CCDC171: variants seen among roughly 807,000 people sequenced by gnomAD.
CCDC171 encodes the protein coiled-coil domain containing 171.
In CCDC171, 177 loss-of-function variants were observed where a neutral mutation model predicts 168.2. The observed-to-expected ratio is 1.05, with a 90% CI of 0.93 to 1.19. The LOEUF is 1.19. Ranked by LOEUF, CCDC171 falls within the 50% of genes most tolerant of loss-of-function variation. CCDC171 has a pLI of 0.00. For synonymous variants in CCDC171, 687 were observed against 540.8 expected (o/e 1.27, Z -3.75); for missense variants, 1,991 against 1,539.0 (o/e 1.29, Z -4.91).
chr9:15,935,002 G>T lies in CCDC171; in HGVS notation c.3753+14580G>T, dbSNP rs113987795. 3.9e-5 allele frequency among the ~76,000 whole-genome samples: 6 copies of T among 152,190 alleles called. No individual in the cohort carries two copies. In the South Asian group the frequency reaches 6.2e-4, roughly 16 times the overall value. ...CACATTAGTGATTGACAGAGGCTAGGGGGAGGAGAGGATGGAGAATGACTG... is the reference window on the plus strand; with the variant it reads ...CACATTAGTGATTGACAGAGGCTAGTGGGAGGAGAGGATGGAGAATGACTG... On this transcript the variant is annotated intron_variant, in intron 25 of 25. Coordinates refer to ENST00000380701, the MANE Select transcript of CCDC171 (RefSeq NM_173550.4).
At chr9:15,919,131 A>T (rs543855599) in intron 24 of CCDC171, among the ~76,000 whole-genome samples, 2 of 151,808 alleles carry the variant, frequency 1.3e-5, no homozygotes, top group South Asian at 4.1e-4. Flanking sequence ...ATAGAAGTTA[A>T]CACTGCCTTT....
intron 5 of CCDC171, among the ~76,000 whole-genome samples, chr9:15,593,221 G>T (rs773205198): frequency 6.6e-6 from 1 of 152,110 alleles, no homozygotes. Flanking sequence ...TGCTACCATT[G>T]TGTGGACATG....
intron 25 of CCDC171, among the ~76,000 whole-genome samples, chr9:15,970,733 A>G (rs1372328022): frequency 6.6e-6 from 1 of 152,200 alleles, no homozygotes; most frequent in African/African-American, 2.4e-5. Context: ...TCTCAAATAT[A>G]TGACAAATTA....
intron 25 of CCDC171, among the ~76,000 whole-genome samples, chr9:15,925,931 A>C (rs1358182830): frequency 7.6e-6 from 1 of 131,100 alleles, no homozygotes; most frequent in Non-Finnish European, 1.8e-5. Context: ...CCTGTATTTA[A>C]CAATATAGAA....
At chr9:15,949,361 A>G (rs890606217) in intron 25 of CCDC171, among the ~76,000 whole-genome samples, 2 of 152,162 alleles carry the variant, frequency 1.3e-5, no homozygotes, top group Admixed American at 1.3e-4. Context: ...CTGTGAAGAA[A>G]GTCATTAGTA....
chr9:15,836,698 C>T (rs1343327925), intron 21 of CCDC171, among the ~76,000 whole-genome samples: 1 of 152,160 alleles, frequency 6.6e-6, no homozygotes, highest in African/African-American at 2.4e-5. Flanking sequence ...TCCTTTTCTC[C>T]GATAGGAATT....
At chr9:15,958,118 T>C (rs7865959) in intron 25 of CCDC171, among the ~76,000 whole-genome samples, 2,329 of 136,086 alleles carry the variant, frequency 0.017, 54 homozygotes, top group African/African-American at 0.077. Context: ...ACTCATCCAT[T>C]CATTCATTCA....
chr9:15,848,118 C>T (rs920030745), intron 22 of CCDC171, among the ~76,000 whole-genome samples: 1 of 151,856 alleles, frequency 6.6e-6, no homozygotes, highest in African/African-American at 2.4e-5. Context: ...CTTATAAGAC[C>T]TCCAGATTCA....
At position 15,628,734 on chromosome 9, in the gene CCDC171, G is replaced by T. The variant is rs962707466; in HGVS notation, c.822+5321G>T. Among the ~76,000 whole-genome samples the T allele has an allele frequency of 5.3e-5, 8 of 152,180 alleles. No individual in the cohort carries two copies. In the East Asian group the frequency reaches 1.4e-3, roughly 26 times the overall value. On this transcript the variant is annotated intron_variant, in intron 7 of 25. Transcript: ENST00000380701. ...AATGGGCAGACTGCCTCCTCAAGTGGGTCCCTGACCCCTGAACCCTGAGCA... is the reference window on the plus strand; with the variant it reads ...AATGGGCAGACTGCCTCCTCAAGTGTGTCCCTGACCCCTGAACCCTGAGCA...
intron 24 of CCDC171, among the ~76,000 whole-genome samples, chr9:15,895,098 T>C (rs1172798884): frequency 6.6e-6 from 1 of 152,154 alleles, no homozygotes; most frequent in Non-Finnish European, 1.5e-5. Flanking sequence ...TGTCACTTTT[T>C]AGCAATGTGC....
chr9:15,786,197 T>C (rs2057944589), intron 21 of CCDC171, among the ~76,000 whole-genome samples: 1 of 152,152 alleles, frequency 6.6e-6, no homozygotes, highest in Admixed American at 6.6e-5. Context: ...ACCTAATGCA[T>C]ATTATTTTTC....
chr9:15,789,880 C>T (rs1273055060), intron 21 of CCDC171, among the ~76,000 whole-genome samples: 1 of 151,582 alleles, frequency 6.6e-6, no homozygotes, highest in African/African-American at 2.4e-5. Flanking sequence ...CAATAGTTTG[C>T]TGAGAATGAT....
intron 21 of CCDC171, among the ~76,000 whole-genome samples, chr9:15,845,347 G>A (rs1420355392): frequency 6.6e-6 from 1 of 152,042 alleles, no homozygotes; most frequent in African/African-American, 2.4e-5. Context: ...TGTCTCATAA[G>A]TAGTCATAGT....
At chr9:15,805,772 C>T (rs2059043736) in intron 21 of CCDC171, among the ~76,000 whole-genome samples, 1 of 151,998 alleles carries the variant, frequency 6.6e-6, no homozygotes, top group South Asian at 2.1e-4. Flanking sequence ...TCCACTTGAT[C>T]CTGAGCTAAG....
intron 14 of CCDC171, among the ~76,000 whole-genome samples, chr9:15,727,427 C>T (rs919193596): frequency 2.6e-5 from 4 of 152,016 alleles, no homozygotes; most frequent in African/African-American, 7.2e-5. Context: ...CACTTTTTTT[C>T]TGTATTGTTT....
At chr9:15,684,583 A>C (rs2050253538) in intron 10 of CCDC171, among the ~76,000 whole-genome samples, 1 of 152,056 alleles carries the variant, frequency 6.6e-6, no homozygotes, top group African/African-American at 2.4e-5. Context: ...TATTTGTGGT[A>C]CTCATGTTGA....
chr9:15,910,198 A>T (rs538004122), intron 24 of CCDC171, among the ~76,000 whole-genome samples: 2 of 133,002 alleles, frequency 1.5e-5, no homozygotes, highest in African/African-American at 5.5e-5. Context: ...ACACACACAC[A>T]CACCATATTT....
In CCDC171 at chr9:15,639,182, T is replaced by C. The variant is rs564573332; in HGVS notation, c.822+15769T>C. Reference sequence around the variant, plus strand: ...AGACCACCTTGTATGATTCATCTTTTTAAAGCCATCATGTGTTTGTAGGAA... The same window carrying C: ...AGACCACCTTGTATGATTCATCTTTCTAAAGCCATCATGTGTTTGTAGGAA... On this transcript the variant is annotated intron_variant, in intron 7 of 25. Coordinates refer to ENST00000380701, the MANE Select transcript of CCDC171 (RefSeq NM_173550.4). Among the ~76,000 whole-genome samples, 5 of 152,212 alleles carry C rather than the reference T, an allele frequency of 3.3e-5. No individual in the cohort carries two copies. In the South Asian group the frequency reaches 8.3e-4, roughly 25 times the overall value.
rs1011174419 is a variant in CCDC171, at chr9:15,715,399, C to CT, written c.1319-6369dup. ...GTTGTGGTCTGAGTTCAAAAAAAGT[C>CT]TAACTGCCAATAAAATGTTTGTATT... On this transcript the variant is annotated intron_variant, in intron 11 of 25. Coordinates refer to ENST00000380701, the MANE Select transcript of CCDC171 (RefSeq NM_173550.4). Among the ~76,000 whole-genome samples the CT allele has an allele frequency of 8.5e-4, 129 of 152,250 alleles. 1 individual carries two copies. The highest frequency in any genetic ancestry group is 2.8e-3 in the African/African-American group (116 of 41,542).
Sources: allele counts gnomAD v4.1 joint callset (sites outside exome capture counted in the v4.1 genomes callset), GRCh38; gene constraint gnomAD v4.1.1; transcripts MANE v1.5; gene names NCBI Gene and HGNC (gene_info 2026-07-23, HGNC 2026-07-21).